ZNF587B: variants seen among roughly 807,000 people sequenced by gnomAD.
ZNF587B encodes the protein zinc finger protein 587B.
Under a neutral mutation model 7.2 loss-of-function variants are expected in ZNF587B, and 6 were observed. That is an observed-to-expected ratio of 0.83 (90% CI 0.46 to 1.65). The LOEUF is 1.65. ZNF587B is among the 40% of genes most tolerant of loss of function. ZNF587B has a pLI of 0.01. For synonymous variants in ZNF587B, 274 were observed against 254.3 expected, an observed-to-expected ratio of 1.08 and a Z score of -0.74; for missense variants, 749 against 761.0, an observed-to-expected ratio of 0.98 and a Z score of 0.19.
chr19:57,830,380 C>G lies in ZNF587B; in HGVS notation c.-149C>G. 1 of 762,156 alleles carries G rather than the reference C, an allele frequency of 1.3e-6. No individual in the cohort carries two copies. Among genetic ancestry groups the G allele is most frequent in the Non-Finnish European group, 2.1e-6 (1 of 473,686 alleles). 47.2% of individuals were successfully genotyped at this position (762,156 alleles called of 1,614,324 possible). On this transcript the variant is annotated 5_prime_UTR_variant, in exon 1 of 3. Transcript: ENST00000594901. ...GTGACTGAACCCAGAAGGCGGAGAACAGTTGTCCTCTGCTGCACAGAGGCG... is the reference window on the plus strand; with the variant it reads ...GTGACTGAACCCAGAAGGCGGAGAAGAGTTGTCCTCTGCTGCACAGAGGCG...
At position 57,842,192 on chromosome 19, in the gene ZNF587B, G is replaced by C; in HGVS notation, c.1518G>C (p.Lys506Asn). 6.2e-7 allele frequency: 1 copy of C among 1,613,202 alleles called. No homozygotes were observed. The highest frequency in any genetic ancestry group is 8.5e-7 in the Non-Finnish European group (1 of 1,179,606). ...CEACQKFFRH[K>N]CHLTAHQRVH... The stretch of plus-strand genomic sequence containing the variant: ...CTTGTCAGAAATTTTTTAGGCACAA[G>C]TGCCACCTCACTGCACACCAGAGAG... Residue 506 changes from lysine to asparagine, a missense_variant, in exon 3 of 3, where the codon AAG becomes AAC. By Grantham distance (94) the Lys-to-Asn change is moderately conservative (BLOSUM62 0). Around this residue, in one of 3 missense-constraint regions of ZNF587B, gnomAD observed 656 missense variants for 596.5 expected, o/e 1.10. Transcript: ENST00000594901.
chr19:57,841,394 A>C lies in ZNF587B; in HGVS notation c.720A>C (p.Glu240Asp). ...SQHQRLLPRE[E>D]CYVCCECGKS... is the part of the protein sequence containing the mutation. The stretch of plus-strand genomic sequence containing the variant: ...ACCAGAGACTTCTCCCTCGAGAAGA[A>C]TGTTATGTGTGCTGTGAATGTGGGA... Residue 240 changes from glutamate to aspartate, a missense_variant, in exon 3 of 3, where the codon GAA becomes GAC. Coordinates refer to ENST00000594901, the MANE Select transcript of ZNF587B (RefSeq NM_001376223.1). The C allele has an allele frequency of 6.3e-7, 1 of 1,585,872 alleles. No individual in the cohort carries two copies. The highest frequency in any genetic ancestry group is 8.6e-7 in the Non-Finnish European group (1 of 1,164,548).
At chr19:57,832,045 A>G (rs1254205483) in intron 1 of ZNF587B, among the ~76,000 whole-genome samples, 1 of 149,186 alleles carries the variant, frequency 6.7e-6, no homozygotes, top group African/African-American at 2.5e-5. Flanking sequence ...AAAACATCTT[A>G]CCCTTTATAG....
At chr19:57,831,871 A>T (rs1988416255) in intron 1 of ZNF587B, among the ~76,000 whole-genome samples, 1 of 151,074 alleles carries the variant, frequency 6.6e-6, no homozygotes, top group East Asian at 1.9e-4. Flanking sequence ...TGCCCGGCTA[A>T]TTTTTTGTAT....
rs1257598959 is a variant in ZNF587B at position 57,830,390 on chromosome 19, C to G, written c.-139C>G. The G allele has an allele frequency of 1.6e-5, 14 of 879,022 alleles. No homozygotes were observed. The highest frequency in any genetic ancestry group is 2.7e-5 in the East Asian group (1 of 37,450). The allele number at this position is 879,022 out of a possible 1,614,324, so 54.5% of individuals were successfully genotyped here. A position where few individuals can be genotyped will look rare whatever the true frequency, so the allele number is the denominator to read the frequency against. Reference sequence around the variant, plus strand: ...CCAGAAGGCGGAGAACAGTTGTCCTCTGCTGCACAGAGGCGACTCTGGAGC... The same window carrying G: ...CCAGAAGGCGGAGAACAGTTGTCCTGTGCTGCACAGAGGCGACTCTGGAGC... On this transcript the variant is annotated 5_prime_UTR_variant, in exon 1 of 3. Transcript: ENST00000594901.
chr19:57,830,670 G>A (rs1988342331), intron 1 of ZNF587B, 106 bp downstream of exon 1: 4 of 1,339,070 alleles, frequency 3.0e-6, no homozygotes, highest in Admixed American at 4.1e-5. Context: ...GGCAGCAGAT[G>A]CTGAGTTTTT....
At position 57,844,518 on chromosome 19, in the gene ZNF587B, G is replaced by T; in HGVS notation, c.*1942G>T. ...AAGGACAGCATAGCTAAACTGCGTGGCCCAAGGGACAGCATGAATGCAGAA... is the reference window on the plus strand; with the variant it reads ...AAGGACAGCATAGCTAAACTGCGTGTCCCAAGGGACAGCATGAATGCAGAA... On this transcript the variant is annotated 3_prime_UTR_variant, in exon 3 of 3. Coordinates refer to ENST00000594901, the MANE Select transcript of ZNF587B (RefSeq NM_001376223.1). 1 of 195,798 alleles carries T rather than the reference G, an allele frequency of 5.1e-6. No homozygotes were observed. Among genetic ancestry groups the T allele is most frequent in the South Asian group, 6.1e-5 (1 of 16,312 alleles). 12.1% of individuals were successfully genotyped at this position (195,798 alleles called of 1,614,324 possible).
chr19:57,836,981 AG>A (rs1988638068), intron 1 of ZNF587B, among the ~76,000 whole-genome samples: 1 of 148,864 alleles, frequency 6.7e-6, no homozygotes. Flanking sequence ...AAAAAAAAAA[AG>A]GAATGTATCC....
chr19:57,840,251 ACACTTGT>A (rs921270878), intron 2 of ZNF587B, among the ~76,000 whole-genome samples: 11 of 151,878 alleles, frequency 7.2e-5, no homozygotes, highest in Non-Finnish European at 1.5e-4. Context: ...TGAGAACATC[ACACTTGT>A]CACTTGTCTA....
At chr19:57,836,285 A>G (rs1262672257) in intron 1 of ZNF587B, among the ~76,000 whole-genome samples, 1 of 152,180 alleles carries the variant, frequency 6.6e-6, no homozygotes, top group Non-Finnish European at 1.5e-5. Context: ...TCACAGAATT[A>G]CTTGAGACCA....
Position 57,837,497 on chromosome 19 carries a change from G to A in ZNF587B, c.37-1526G>A, listed in dbSNP as rs534088597. Among the ~76,000 whole-genome samples the A allele has an allele frequency of 6.6e-5, 10 of 150,730 alleles. No individual in the cohort carries two copies. The South Asian group carries it at 1.7e-3, about 25-fold the overall frequency. ...GGAGTCTCGCTCTGTAGCCCAGGCT[G>A]GAGTGCAGTGGTGCTATTTCGGCTC... On this transcript the variant is annotated intron_variant, in intron 1 of 2. Coordinates refer to ENST00000594901, the MANE Select transcript of ZNF587B (RefSeq NM_001376223.1).
At chr19:57,838,427 C>T (rs184884171) in intron 1 of ZNF587B, among the ~76,000 whole-genome samples, 1 of 151,974 alleles carries the variant, frequency 6.6e-6, no homozygotes, top group Non-Finnish European at 1.5e-5. Flanking sequence ...ATGATGAAAC[C>T]CCGTCTCTAC....
rs749774481 is a variant in ZNF587B at position 57,842,486 on chromosome 19, G to C, written c.1812G>C (p.Lys604Asn). ...TNHRRVHTGE[K>N]PYGCSECEKK... ...ACAGGAGAGTTCACACTGGAGAAAAGCCTTATGGGTGTAGTGAATGTGAAA... is the reference window on the plus strand; with the variant it reads ...ACAGGAGAGTTCACACTGGAGAAAACCCTTATGGGTGTAGTGAATGTGAAA... The change falls in exon 3 of 3, where the codon AAG (lysine) becomes AAC (asparagine). Residue 604 changes from lysine to asparagine, a missense_variant. By Grantham distance (94) the Lys-to-Asn change is moderately conservative. Coordinates refer to ENST00000594901, the MANE Select transcript of ZNF587B (RefSeq NM_001376223.1). 1 of 1,587,254 alleles carries C rather than the reference G, an allele frequency of 6.3e-7. No individual in the cohort carries two copies. Among genetic ancestry groups the C allele is most frequent in the Non-Finnish European group, 8.5e-7 (1 of 1,171,220 alleles).
intron 1 of ZNF587B, among the ~76,000 whole-genome samples, chr19:57,831,181 C>G (rs1027741131): frequency 6.6e-6 from 1 of 152,022 alleles, no homozygotes; most frequent in East Asian, 1.9e-4. Flanking sequence ...GAAGGGGCTG[C>G]CAGTGAAAGA....
At chr19:57,836,902 G>T (rs1988629423) in intron 1 of ZNF587B, among the ~76,000 whole-genome samples, 1 of 149,582 alleles carries the variant, frequency 6.7e-6, no homozygotes, top group South Asian at 2.1e-4. Flanking sequence ...GGCGGAGGTT[G>T]CAGTGAGCTG....
In ZNF587B at chr19:57,839,067, G is replaced by A. The variant is rs1476528407; in HGVS notation, c.81G>A (p.Glu27=). 6.2e-7 allele frequency: 1 copy of A among 1,614,146 alleles called. No homozygotes were observed. Among genetic ancestry groups the A allele is most frequent in the Non-Finnish European group, 8.5e-7 (1 of 1,180,022 alleles). Residue 27 remains glutamate (E), a synonymous_variant, in exon 2 of 3, where the codon GAG becomes GAA. Transcript: ENST00000594901. ...ACGTGGCTGTGAAATTTACCCAGGA[G>A]GAATGGAATCTCCTTAGTGAGGCTC... ...FEDVAVKFTQ[E]EWNLLSEAQR...
intron 2 of ZNF587B, among the ~76,000 whole-genome samples, chr19:57,839,953 C>T (rs1022874895): frequency 7.2e-5 from 11 of 151,850 alleles, no homozygotes; most frequent in Non-Finnish European, 1.6e-4. Flanking sequence ...ATGGCATGTG[C>T]CTGTAGTCCC....
chr19:57,831,502 C>T (rs1435973082), intron 1 of ZNF587B, among the ~76,000 whole-genome samples: 2 of 152,036 alleles, frequency 1.3e-5, no homozygotes, highest in African/African-American at 2.4e-5. Context: ...AAGCGATTCT[C>T]CTGCCTCAGC....
chr19:57,840,434 G>GT (rs1988795347), intron 2 of ZNF587B, among the ~76,000 whole-genome samples: 1 of 152,040 alleles, frequency 6.6e-6, no homozygotes, highest in South Asian at 2.1e-4. Flanking sequence ...AGAGATTTGT[G>GT]TTAGCAAGTA....
Sources: allele counts gnomAD v4.1 joint callset (sites outside exome capture counted in the v4.1 genomes callset), GRCh38; gene constraint gnomAD v4.1.1; regional missense constraint gnomAD v4.1.1; transcripts MANE v1.5; gene names NCBI Gene and HGNC (gene_info 2026-07-23, HGNC 2026-07-21).